The following PRSS23 variants were observed in gnomAD, a reference collection of about 807,000 sequenced individuals.
PRSS23 encodes serine protease 23.
Under a neutral mutation model 34.7 loss-of-function variants are expected in PRSS23, and 25 were observed. That is an observed-to-expected ratio of 0.72 (90% CI 0.53 to 1.01). The LOEUF (loss-of-function observed/expected upper bound fraction) is 1.01, where lower values mean the gene tolerates loss of function less well. PRSS23 is among the 50% of genes least tolerant of loss of function. The pLI is 0.00. For synonymous variants in PRSS23, 176 were observed against 186.6 expected, an observed-to-expected ratio of 0.94 and a Z score of 0.46; for missense variants, 445 against 475.6, an observed-to-expected ratio of 0.94 and a Z score of 0.60.
At chr11:86,850,516 G>A (rs1948521155) in intron 2 of PRSS23, among the ~76,000 whole-genome samples, 1 of 152,150 alleles carries the variant, frequency 6.6e-6, no homozygotes, top group Admixed American at 6.5e-5. Context: ...TTCAGTCCTG[G>A]ATGAATAATA....
chr11:86,829,684 G>T (rs1013415172), intron 2 of PRSS23, among the ~76,000 whole-genome samples: 42 of 152,030 alleles, frequency 2.8e-4, no homozygotes, highest in Non-Finnish European at 3.5e-4. Context: ...TGTCCTTTCT[G>T]TTTGTTAGTT....
At chr11:86,822,138 C>A (rs1214084389) in intron 1 of PRSS23, among the ~76,000 whole-genome samples, 1 of 151,988 alleles carries the variant, frequency 6.6e-6, no homozygotes, top group African/African-American at 2.4e-5. Context: ...GTTCATTTGG[C>A]AAATATTTAT....
intron 2 of PRSS23, chr11:86,909,917 G>C (rs1175551098): frequency 1.3e-5 from 2 of 152,160 alleles, no homozygotes; most frequent in Admixed American, 1.3e-4. Flanking sequence ...CTGCTGAAAA[G>C]GCATGATTTT....
At chr11:86,930,974 T>C (rs1949121874) in intron 2 of PRSS23, among the ~76,000 whole-genome samples, 1 of 152,118 alleles carries the variant, frequency 6.6e-6, no homozygotes, top group Admixed American at 6.5e-5. Flanking sequence ...AGGGCCAAAT[T>C]GTGCAGGCTA....
At chr11:86,894,453 T>C (rs1590917315) in intron 2 of PRSS23, among the ~76,000 whole-genome samples, 1 of 152,164 alleles carries the variant, frequency 6.6e-6, no homozygotes, top group African/African-American at 2.4e-5. Flanking sequence ...CAAGAATCTT[T>C]TTGTTGCCCA....
At chr11:86,835,831 T>C (rs1481937399) in intron 2 of PRSS23, among the ~76,000 whole-genome samples, 1 of 152,140 alleles carries the variant, frequency 6.6e-6, no homozygotes, top group Admixed American at 6.5e-5. Flanking sequence ...GGTGGCTTGA[T>C]GGCACAAGGT....
chr11:86,799,429 G>C (rs1010455170), upstream of PRSS23, among the ~76,000 whole-genome samples: 2 of 152,180 alleles, frequency 1.3e-5, no homozygotes, highest in Non-Finnish European at 2.9e-5. Flanking sequence ...TTGATAGAAA[G>C]CATGGCTCAG....
chr11:86,814,044 G>C (rs1447147185), downstream of PRSS23, among the ~76,000 whole-genome samples: 1 of 152,172 alleles, frequency 6.6e-6, no homozygotes, highest in Non-Finnish European at 1.5e-5. Flanking sequence ...GAGATTCCAG[G>C]TGCCATTTGC....
At chr11:86,793,018 G>A in intron 1 of PRSS23, among the ~76,000 whole-genome samples, 1 of 152,176 alleles carries the variant, frequency 6.6e-6, no homozygotes, top group East Asian at 1.9e-4. Flanking sequence ...ACTAGGCTCA[G>A]CTAATTTTTG....
intron 2 of PRSS23, among the ~76,000 whole-genome samples, chr11:86,883,054 G>A (rs1002801356): frequency 6.6e-6 from 1 of 152,096 alleles, no homozygotes; most frequent in Non-Finnish European, 1.5e-5. Flanking sequence ...GGTGTTGTTT[G>A]TTTCTTTCTG....
chr11:86,830,032 G>A (rs1948338532), intron 2 of PRSS23, among the ~76,000 whole-genome samples: 1 of 152,178 alleles, frequency 6.6e-6, no homozygotes, highest in Admixed American at 6.5e-5. Flanking sequence ...TGTCAGACAG[G>A]GACATTTAAG....
chr11:86,932,258 G>A (rs1398188130), intron 2 of PRSS23, among the ~76,000 whole-genome samples: 1 of 152,184 alleles, frequency 6.6e-6, no homozygotes, highest in East Asian at 1.9e-4. Context: ...GCCAGAAGTC[G>A]TTTTCTACTG....
intron 2 of PRSS23, among the ~76,000 whole-genome samples, chr11:86,883,856 G>T (rs1590911977): frequency 1.3e-5 from 2 of 152,132 alleles, no homozygotes; most frequent in East Asian, 1.9e-4. Context: ...GGAGTGTGTT[G>T]TTTGATTTCT....
At chr11:86,925,228 T>C (rs1344876209) in intron 2 of PRSS23, among the ~76,000 whole-genome samples, 1 of 133,990 alleles carries the variant, frequency 7.5e-6, no homozygotes. Context: ...TGAAAAGTGA[T>C]TTATGTTTTC....
chr11:86,866,031 C>A (rs956751435), intron 2 of PRSS23, among the ~76,000 whole-genome samples: 1 of 152,144 alleles, frequency 6.6e-6, no homozygotes, highest in Non-Finnish European at 1.5e-5. Flanking sequence ...AAGAGACAAG[C>A]CTAATCTCCT....
chr11:86,825,102 T>A (rs966953358), intron 2 of PRSS23, among the ~76,000 whole-genome samples: 1 of 150,806 alleles, frequency 6.6e-6, no homozygotes, highest in African/African-American at 2.5e-5. Flanking sequence ...ACCAACAGTG[T>A]AAAAGTGTTC....
chr11:86,833,221 T>C, intron 2 of PRSS23: 25 of 1,480,442 alleles, frequency 1.7e-5, no homozygotes, highest in Non-Finnish European at 2.3e-5. Flanking sequence ...CACAATCATC[T>C]TGGGGACCGT....
At chr11:86,939,426 A>ATATATATATATATATATATATATATTTT in intron 2 of PRSS23, among the ~76,000 whole-genome samples, 6 of 94,070 alleles carry the variant, frequency 6.4e-5, no homozygotes, top group South Asian at 3.5e-4. Flanking sequence ...ATATATATAT[A>ATATATATATATATATATATATATATTTT]TTTTTTAACA....
At chr11:86,832,547 C>A in intron 2 of PRSS23, 1 of 388,752 alleles carries the variant, frequency 2.6e-6, no homozygotes, top group Non-Finnish European at 5.0e-6. Flanking sequence ...GCCATGCAAC[C>A]ACCACAGGAC....
Sources: gnomAD v4.1 joint callset for allele counts (sites outside exome capture counted in the v4.1 genomes callset) on GRCh38, gnomAD v4.1.1 for gene constraint, MANE v1.5 for transcripts, NCBI Gene and HGNC (gene_info 2026-07-23, HGNC 2026-07-21) for gene names.